The following OR8B2 variants were observed in gnomAD, a reference collection of about 807,000 sequenced individuals.
The protein encoded by OR8B2 is olfactory receptor 8B2.
For missense variants in OR8B2, 304 were observed against 379.6 expected (o/e 0.80, Z 1.65); for synonymous variants, 98 against 138.2 (o/e 0.71, Z 2.04).
rs549771855 is a variant in OR8B2, at chr11:124,382,407, A to G, written c.937T>C (p.Phe313Leu). Residue 313 changes from phenylalanine (F) to leucine (L), a missense_variant, in exon 2 of 2, where the codon TTC (phenylalanine) becomes CTC (leucine). Phe to Leu is a conservative substitution (Grantham distance 22, BLOSUM62 0). Coordinates refer to ENST00000641451, the MANE Select transcript of OR8B2 (RefSeq NM_001005468.2). ...TACATCATTACTGCTTCTAATTAGA[A>G]TATATTTCTCCTCTGAATTTTAATC... ...ALIKIQRRNI[F>L] 17 of 1,598,634 alleles carry G rather than the reference A, an allele frequency of 1.1e-5. No individual in the cohort carries two copies. The highest frequency in any genetic ancestry group is 8.0e-5 in the South Asian group (7 of 87,214).
chr11:124,388,895 C>T (rs12270955), upstream of OR8B2, among the ~76,000 whole-genome samples: 6,815 of 147,626 alleles, frequency 0.046, 529 homozygotes, highest in African/African-American at 0.16. Flanking sequence ...GGAGTGATCT[C>T]GGCTCACTGC....
At chr11:124,389,371 A>G (rs1402513628), upstream of OR8B2, among the ~76,000 whole-genome samples, 1 of 152,222 alleles carries the variant, frequency 6.6e-6, no homozygotes, top group African/African-American at 2.4e-5. Context: ...TTTACAAAGT[A>G]CATTGGGGTT....
the OR8B2 span, chr11:124,396,066 T>C: frequency 5.4e-6 from 1 of 185,240 alleles, no homozygotes; most frequent in East Asian, 1.4e-4. Flanking sequence ...CTTCTGAGTT[T>C]AGGTGAGAAA....
At chr11:124,388,454 C>T (rs1299865495), upstream of OR8B2, among the ~76,000 whole-genome samples, 3 of 152,112 alleles carry the variant, frequency 2.0e-5, no homozygotes, top group Non-Finnish European at 2.9e-5. Context: ...ACAGACAATG[C>T]ATTGACATTA....
upstream of OR8B2, among the ~76,000 whole-genome samples, chr11:124,386,866 TC>T (rs1394412403): frequency 2.0e-5 from 3 of 150,518 alleles, no homozygotes; most frequent in African/African-American, 7.5e-5. Context: ...TAGTTTACAG[TC>T]CCACCAACAG....
chr11:124,393,886 A>C, the OR8B2 span, among the ~76,000 whole-genome samples: 1 of 150,904 alleles, frequency 6.6e-6, no homozygotes, highest in East Asian at 1.9e-4. Flanking sequence ...CTGGATTAAA[A>C]AAATGTGGCA....
chr11:124,393,136 C>A, the OR8B2 span, among the ~76,000 whole-genome samples: 17 of 145,366 alleles, frequency 1.2e-4, 1 homozygote, highest in Admixed American at 1.1e-3. Flanking sequence ...AAGACTTAAA[C>A]ATTAGACCTA....
chr11:124,388,865 T>A (rs1264673448), upstream of OR8B2, among the ~76,000 whole-genome samples: 2 of 150,360 alleles, frequency 1.3e-5, no homozygotes, highest in Non-Finnish European at 3.0e-5. Flanking sequence ...TCTCGCTCTG[T>A]CTCCAGGCTG....
In OR8B2 at chr11:124,382,854, G is replaced by A. The variant is rs886202; in HGVS notation, c.490C>T (p.Leu164Phe). The part of the protein sequence containing the change: ...AGATAHTGCM[L>F]RLTFCSANII... ...TTAGCACTGCAGAAGGTGAGTCTAA[G>A]CATGCACCCGGTGTGGGCCGTGGCT... Residue 164 changes from leucine to phenylalanine, a missense_variant, in exon 2 of 2, where the codon CTT (leucine) becomes TTT (phenylalanine). Coordinates refer to ENST00000641451, the MANE Select transcript of OR8B2 (RefSeq NM_001005468.2). The A allele has an allele frequency of 0.3, 467,223 of 1,569,464 alleles. 56,348 individuals are homozygous for A. The highest frequency in any genetic ancestry group is 0.37 in the South Asian group (32,714 of 88,692).
chr11:124,394,585 T>A, the OR8B2 span, among the ~76,000 whole-genome samples: 1 of 152,104 alleles, frequency 6.6e-6, no homozygotes, highest in East Asian at 1.9e-4. Flanking sequence ...AAAAGATACA[T>A]GTTAGATGGA....
chr11:124,382,703 A>C lies in OR8B2; in HGVS notation c.641T>G (p.Ile214Ser), dbSNP rs761000283. The change falls in exon 2 of 2, where the codon ATC (isoleucine) becomes AGC (serine). Residue 214 changes from isoleucine to serine, a missense_variant. By Grantham distance (142) the Ile-to-Ser change is moderately radical (BLOSUM62 -2). Transcript: ENST00000641451. ...GTNITVPSCT[I>S]LISYVFIVTS... ...GACAATGAAAACATAAGAAATGAGG[A>C]TGGTACAACTGGGTACCGTGATATT... is the stretch of plus-strand genomic sequence containing the variant. The C allele has an allele frequency of 3.1e-6, 5 of 1,613,764 alleles. No homozygotes were observed. The highest frequency in any genetic ancestry group is 1.7e-5 in the Admixed American group (1 of 59,964).
chr11:124,393,731 T>G, the OR8B2 span, among the ~76,000 whole-genome samples: 1 of 151,360 alleles, frequency 6.6e-6, no homozygotes, highest in African/African-American at 2.5e-5. Context: ...GAAATACCAT[T>G]TGACCCAGCC....
chr11:124,393,410 T>C, the OR8B2 span, among the ~76,000 whole-genome samples: 1 of 147,444 alleles, frequency 6.8e-6, no homozygotes, highest in Non-Finnish European at 1.5e-5. Flanking sequence ...TCAAACAAAT[T>C]TACAAGAAAA....
chr11:124,390,432 T>C, the OR8B2 span, among the ~76,000 whole-genome samples: 2 of 152,118 alleles, frequency 1.3e-5, no homozygotes, highest in Non-Finnish European at 2.9e-5. Context: ...ACACATAAAA[T>C]ACACTAGCAC....
Position 124,383,467 on chromosome 11 carries a change from T to G in OR8B2, c.-17-107A>C, listed in dbSNP as rs1176721233. The G allele has an allele frequency of 5.8e-6, 6 of 1,033,830 alleles. No individual in the cohort carries two copies. The Admixed American group carries it at 1.5e-4, about 27-fold the overall frequency. The allele number at this position is 1,033,830 out of a possible 1,614,324, so 64.0% of individuals were successfully genotyped here. A position where few individuals can be genotyped will look rare whatever the true frequency, so the allele number is the denominator to read the frequency against. On this transcript the variant is annotated intron_variant, in intron 1 of 1. Transcript: ENST00000641451. ...TAGGAATTTGGGTGAGTTCTTTGTT[T>G]CATGGGATCTGAATGTACTGAATGT... is the stretch of plus-strand genomic sequence containing the variant.
the OR8B2 span, among the ~76,000 whole-genome samples, chr11:124,393,793 GAC>G: frequency 1.3e-5 from 2 of 151,452 alleles, no homozygotes; most frequent in South Asian, 4.2e-4. Context: ...CTGCTATAAA[GAC>G]ACATGCACAC....
chr11:124,396,961 G>C, the OR8B2 span: 1 of 1,613,030 alleles, frequency 6.2e-7, no homozygotes, highest in South Asian at 1.1e-5. Context: ...ACCTTATACA[G>C]CAATGGATTA....
chr11:124,391,609 T>A, the OR8B2 span, among the ~76,000 whole-genome samples: 1 of 152,114 alleles, frequency 6.6e-6, no homozygotes, highest in African/African-American at 2.4e-5. Flanking sequence ...GATCTGAAAT[T>A]GAGGTAATCA....
upstream of OR8B2, among the ~76,000 whole-genome samples, chr11:124,386,311 G>A (rs1236523127): frequency 6.7e-6 from 1 of 148,864 alleles, no homozygotes; most frequent in East Asian, 2.0e-4. Flanking sequence ...CAATGTGCAG[G>A]TTAGTTACAT....
Sources: allele counts gnomAD v4.1 joint callset (sites outside exome capture counted in the v4.1 genomes callset), GRCh38; gene constraint gnomAD v4.1.1; transcripts MANE v1.5; gene names NCBI Gene and HGNC (gene_info 2026-07-23, HGNC 2026-07-21).